PARD3: variants seen among roughly 807,000 people sequenced by gnomAD.
PARD3 encodes the protein partitioning defective 3 homolog.
PARD3 carries 75 observed loss-of-function variants against 155.4 expected under a neutral mutation model. The observed-to-expected ratio is 0.48, with a 90% CI of 0.40 to 0.58. The LOEUF is 0.58. PARD3 is among the 20% of genes least tolerant of loss of function. The pLI is 0.00. For missense variants in PARD3, 1,642 were observed against 1,721.7 expected, an observed-to-expected ratio of 0.95 and a Z score of 0.82; for synonymous variants, 576 against 610.5, an observed-to-expected ratio of 0.94 and a Z score of 0.83.
At chr10:34,579,812 T>C (rs2087268268) in intron 2 of PARD3, among the ~76,000 whole-genome samples, 1 of 151,078 alleles carries the variant, frequency 6.6e-6, no homozygotes, top group Non-Finnish European at 1.5e-5. Flanking sequence ...CCTGACCTCT[T>C]GATCCACCCA....
chr10:34,615,613 G>T (rs1464846497), intron 2 of PARD3, among the ~76,000 whole-genome samples: 4 of 152,118 alleles, frequency 2.6e-5, no homozygotes, highest in Admixed American at 1.3e-4. Context: ...AATTATATCA[G>T]ACTAAAAGCT....
At chr10:34,163,555 C>CG (rs1167996525) in intron 22 of PARD3, among the ~76,000 whole-genome samples, 1 of 152,150 alleles carries the variant, frequency 6.6e-6, no homozygotes, top group Non-Finnish European at 1.5e-5. Context: ...TCCTTTACAG[C>CG]GGAACTGGGA....
At chr10:34,613,283 T>A (rs1219389819) in intron 2 of PARD3, among the ~76,000 whole-genome samples, 2 of 152,218 alleles carry the variant, frequency 1.3e-5, no homozygotes, top group Non-Finnish European at 2.9e-5. Context: ...ACACACACAC[T>A]GACCACCTGC....
chr10:34,368,984 A>G (rs1840283593), intron 12 of PARD3, among the ~76,000 whole-genome samples: 2 of 151,864 alleles, frequency 1.3e-5, no homozygotes, highest in Non-Finnish European at 2.9e-5. Context: ...TGGAACTCAT[A>G]CTGTATTACC....
chr10:34,312,290 TA>T lies in PARD3; in HGVS notation c.3065+4816del, dbSNP rs901674856. On this transcript the variant is annotated intron_variant, in intron 20 of 24. Transcript: ENST00000374788. ...ATTAAAAGTAAATTTATTGTTTGTT[TA>T]AAAAAAACAACAACTGTGCAATATG... is the stretch of plus-strand genomic sequence containing the variant. 3.1e-5 allele frequency: 50 copies of T among 1,602,340 alleles called. No homozygotes were observed. In the East Asian group the frequency reaches 5.4e-4, roughly 17 times the overall value.
chr10:34,257,732 C>A (rs984811739), intron 22 of PARD3, among the ~76,000 whole-genome samples: 1 of 152,186 alleles, frequency 6.6e-6, no homozygotes, highest in Non-Finnish European at 1.5e-5. Context: ...AAATAAACAA[C>A]CCCCATTACA....
At chr10:34,598,263 T>C (rs2089468973) in intron 2 of PARD3, among the ~76,000 whole-genome samples, 4 of 151,234 alleles carry the variant, frequency 2.6e-5, no homozygotes, top group Admixed American at 2.6e-4. Flanking sequence ...AAATAACACC[T>C]ACTGAAAGGA....
chr10:34,156,084 T>C (rs550324168), intron 22 of PARD3, among the ~76,000 whole-genome samples: 1 of 152,222 alleles, frequency 6.6e-6, no homozygotes, highest in East Asian at 1.9e-4. Context: ...AAGTATTAAA[T>C]TGGATGACTG....
At chr10:34,314,661 C>G (rs1231875609) in intron 20 of PARD3, among the ~76,000 whole-genome samples, 1 of 152,172 alleles carries the variant, frequency 6.6e-6, no homozygotes, top group African/African-American at 2.4e-5. Context: ...AAATTTTCAG[C>G]TACCAGCATG....
At chr10:34,746,959 T>G (rs1246854633) in intron 1 of PARD3, among the ~76,000 whole-genome samples, 1 of 152,182 alleles carries the variant, frequency 6.6e-6, no homozygotes, top group Non-Finnish European at 1.5e-5. Context: ...TCACCACATT[T>G]CTGCTCCTCG....
chr10:34,411,732 CTAGATAGATAGATAGA>C (rs3040339), intron 5 of PARD3, among the ~76,000 whole-genome samples: 3,096 of 148,206 alleles, frequency 0.021, 111 homozygotes, highest in African/African-American at 0.069. Flanking sequence ...ACATACATAT[CTAGATAGATAGATAGA>C]TAGATAGATA....
At chr10:34,454,741 G>A (rs1367186257) in intron 4 of PARD3, among the ~76,000 whole-genome samples, 1 of 152,116 alleles carries the variant, frequency 6.6e-6, no homozygotes, top group African/African-American at 2.4e-5. Context: ...CTTCTTGCCA[G>A]GGAAAAACAG....
intron 22 of PARD3, among the ~76,000 whole-genome samples, chr10:34,151,208 G>A (rs1300893719): frequency 6.6e-6 from 1 of 150,394 alleles, no homozygotes; most frequent in Non-Finnish European, 1.5e-5. Context: ...TTAGGACTAT[G>A]ATTCTGTGCA....
At position 34,781,128 on chromosome 10, in the gene PARD3, A is replaced by G. The variant is rs542409156; in HGVS notation, c.120+33748T>C. On this transcript the variant is annotated intron_variant, in intron 1 of 24. Coordinates refer to ENST00000374788, the MANE Select transcript of PARD3 (RefSeq NM_001184785.2). ...GACCTGGGGCACCCCTCCCCCCTCT[A>G]GCCTGCTGGAGCACCCACATGTGCA... is the stretch of plus-strand genomic sequence containing the variant. 2.6e-5 allele frequency among the ~76,000 whole-genome samples: 4 copies of G among 152,270 alleles called. No individual in the cohort carries two copies. The East Asian group carries it at 5.8e-4, about 22-fold the overall frequency.
chr10:34,261,439 A>C (rs1045056654), intron 22 of PARD3, among the ~76,000 whole-genome samples: 1 of 152,286 alleles, frequency 6.6e-6, no homozygotes, highest in East Asian at 1.9e-4. Flanking sequence ...CTGTAATCCC[A>C]GCACTTTGGG....
At chr10:34,281,187 CT>C (rs750910909) in intron 21 of PARD3, among the ~76,000 whole-genome samples, 3 of 152,126 alleles carry the variant, frequency 2.0e-5, no homozygotes, top group Non-Finnish European at 4.4e-5. Flanking sequence ...GAGCCTAAAC[CT>C]TTCATGTGGT....
At chr10:34,195,582 T>G (rs934105952) in intron 22 of PARD3, among the ~76,000 whole-genome samples, 4 of 152,194 alleles carry the variant, frequency 2.6e-5, no homozygotes, top group African/African-American at 9.7e-5. Flanking sequence ...AGGAAACACA[T>G]TCTCCATCCT....
chr10:34,448,421 A>C (rs2132754271), intron 5 of PARD3, among the ~76,000 whole-genome samples: 1 of 152,260 alleles, frequency 6.6e-6, no homozygotes, highest in African/African-American at 2.4e-5. Flanking sequence ...GCCATAGGGT[A>C]AAAACTTTCA....
chr10:34,754,752 A>G (rs1402695326), intron 1 of PARD3, among the ~76,000 whole-genome samples: 1 of 152,220 alleles, frequency 6.6e-6, no homozygotes, highest in Non-Finnish European at 1.5e-5. Context: ...ATTACAGACA[A>G]TCCCCTGACT....
Sources: allele counts gnomAD v4.1 joint callset (sites outside exome capture counted in the v4.1 genomes callset), GRCh38; gene constraint gnomAD v4.1.1; transcripts MANE v1.5; gene names NCBI Gene and HGNC (gene_info 2026-07-23, HGNC 2026-07-21).